The following ABCB5 variants were observed in gnomAD, a reference collection of about 807,000 sequenced individuals.
ABCB5 encodes ATP binding cassette subfamily B member 5, also known as ATP-binding cassette sub-family B member 5.
A neutral mutation model predicts 144.2 loss-of-function variants in ABCB5; 155 were observed. The observed-to-expected ratio is 1.08, with a 90% confidence interval of 0.94 to 1.23. The LOEUF is 1.23. ABCB5 is among the 50% of genes most tolerant of loss of function. ABCB5 has a pLI of 0.00. For missense variants in ABCB5, 1,830 were observed against 1,520.8 expected (o/e 1.20, Z -3.38); for synonymous variants, 610 against 528.6 (o/e 1.15, Z -2.11).
chr7:20,717,821 A>G (rs184106761), intron 20 of ABCB5, among the ~76,000 whole-genome samples: 2 of 139,200 alleles, frequency 1.4e-5, no homozygotes, highest in African/African-American at 5.4e-5. Context: ...TTATCCCTGT[A>G]TCTATAATTT....
At chr7:20,626,984 A>G (rs898527895) in intron 3 of ABCB5, among the ~76,000 whole-genome samples, 7 of 152,018 alleles carry the variant, frequency 4.6e-5, no homozygotes, top group Admixed American at 3.9e-4. Flanking sequence ...GTATATTCCA[A>G]TGATTCTGCA....
intron 13 of ABCB5, among the ~76,000 whole-genome samples, chr7:20,655,944 G>T (rs1025053002): frequency 6.6e-6 from 1 of 152,320 alleles, no homozygotes; most frequent in East Asian, 1.9e-4. Flanking sequence ...AATGATGGTT[G>T]TATAGATCAG....
chr7:20,667,769 C>T (rs892467817), intron 14 of ABCB5, among the ~76,000 whole-genome samples: 1 of 143,816 alleles, frequency 7.0e-6, no homozygotes, highest in Non-Finnish European at 1.5e-5. Flanking sequence ...CCTCTGATGC[C>T]GAGCCAAACC....
intron 2 of ABCB5, among the ~76,000 whole-genome samples, chr7:20,625,761 T>G (rs569370142): frequency 6.6e-6 from 1 of 152,274 alleles, no homozygotes; most frequent in East Asian, 1.9e-4. Context: ...AAATCAATAA[T>G]AGGTTTAACA....
intron 20 of ABCB5, among the ~76,000 whole-genome samples, chr7:20,709,329 A>AC (rs1336909941): frequency 5.3e-5 from 8 of 149,960 alleles, no homozygotes; most frequent in Non-Finnish European, 4.5e-5. Flanking sequence ...TGCTAAGACA[A>AC]GATATTTTGT....
chr7:20,647,697 G>C, intron 10 of ABCB5, 49 bp downstream of exon 10: 1 of 1,529,800 alleles, frequency 6.5e-7, no homozygotes, highest in Non-Finnish European at 8.8e-7. Flanking sequence ...CTGCAAGAAG[G>C]AGACAAAAAA....
intron 5 of ABCB5, among the ~76,000 whole-genome samples, chr7:20,634,862 T>A (rs1007900525): frequency 2.6e-5 from 4 of 152,042 alleles, no homozygotes; most frequent in African/African-American, 9.7e-5. Context: ...CAGGTTGTCT[T>A]TTCACTCTGT....
At chr7:20,680,619 T>C (rs1426805898) in intron 14 of ABCB5, among the ~76,000 whole-genome samples, 1 of 151,558 alleles carries the variant, frequency 6.6e-6, no homozygotes, top group Non-Finnish European at 1.5e-5. Context: ...GAGATGGACT[T>C]GTGGGTGCTG....
intron 14 of ABCB5, among the ~76,000 whole-genome samples, chr7:20,678,088 A>G (rs1785672774): frequency 6.6e-6 from 1 of 152,208 alleles, no homozygotes; most frequent in Non-Finnish European, 1.5e-5. Context: ...AATATAATCC[A>G]TAGATCCAAT....
rs753662823 is a variant in ABCB5 at position 20,755,888 on chromosome 7, T to C, written c.*264T>C. ...TCTAGCACATTTGCTTGTAAAGCAG[T>C]TTTCTACAAGGTGAATTTATTTCCC... On this transcript the variant is annotated 3_prime_UTR_variant, in exon 28 of 28. Coordinates refer to ENST00000404938, the MANE Select transcript of ABCB5 (RefSeq NM_001163941.2). The C allele has an allele frequency of 2.6e-6, 1 of 386,548 alleles. No homozygotes were observed. The highest frequency in any genetic ancestry group is 4.7e-6 in the Non-Finnish European group (1 of 212,608). 23.9% of individuals were successfully genotyped at this position (386,548 alleles called of 1,614,324 possible). A position where few individuals can be genotyped will look rare whatever the true frequency, so the allele number is the denominator to read the frequency against.
In ABCB5 at chr7:20,708,237, G is replaced by C. The variant is rs530452575; in HGVS notation, c.2421+3430G>C. ...AAGGTTGGCGTATAATTGCTGTTTT[G>C]TCTTGCAGTTTTAGGTTGAATTAAG... On this transcript the variant is annotated intron_variant, in intron 20 of 27. Transcript: ENST00000404938. Among the ~76,000 whole-genome samples, 10 of 152,260 alleles carry C rather than the reference G, an allele frequency of 6.6e-5. No homozygotes were observed. In the South Asian group the frequency reaches 2.1e-3, roughly 32 times the overall value.
At chr7:20,629,485 G>A (rs1473957442) in intron 4 of ABCB5, among the ~76,000 whole-genome samples, 4 of 152,164 alleles carry the variant, frequency 2.6e-5, no homozygotes, top group Non-Finnish European at 5.9e-5. Flanking sequence ...AATCAAGGCC[G>A]GGTGCAGTGG....
chr7:20,686,033 C>G (rs1354779992), intron 16 of ABCB5, among the ~76,000 whole-genome samples, 197 bp downstream of exon 16: 1 of 152,124 alleles, frequency 6.6e-6, no homozygotes, highest in Non-Finnish European at 1.5e-5. Flanking sequence ...GCATTTATAT[C>G]AGAGGCCCTT....
In ABCB5 at chr7:20,626,860, T is replaced by G. The variant is rs957137216; in HGVS notation, c.108+249T>G. On this transcript the variant is annotated intron_variant, in intron 3 of 27. Coordinates refer to ENST00000404938, the MANE Select transcript of ABCB5 (RefSeq NM_001163941.2). The stretch of plus-strand genomic sequence containing the variant: ...GTTTTAAAAGTGTTTTTGGGGTGTG[T>G]GTGTGTGTGTGTGTGTGTGTGTGTG... Among the ~76,000 whole-genome samples the G allele has an allele frequency of 7.9e-5, 9 of 113,842 alleles. No individual in the cohort carries two copies. In the East Asian group the frequency reaches 1.6e-3, roughly 20 times the overall value. The allele number at this position is 113,842 out of a possible 152,430, so 74.7% of individuals were successfully genotyped here. A position where few individuals can be genotyped will look rare whatever the true frequency, so the allele number is the denominator to read the frequency against.
At chr7:20,617,571 A>G (rs915322287) in intron 1 of ABCB5, among the ~76,000 whole-genome samples, 2 of 152,218 alleles carry the variant, frequency 1.3e-5, no homozygotes, top group African/African-American at 2.4e-5. Context: ...CTATATAGTC[A>G]TGTTTCTCAA....
At position 20,711,903 on chromosome 7, in the gene ABCB5, TCC is replaced by T. The variant is rs1396154376; in HGVS notation, c.2421+7097_2421+7098del. 2.6e-3 allele frequency among the ~76,000 whole-genome samples: 326 copies of T among 125,068 alleles called. 26 individuals are homozygous for T. The highest frequency in any genetic ancestry group is 0.026 in the Admixed American group (300 of 11,744). 82.0% of individuals were successfully genotyped at this position (125,068 alleles called of 152,430 possible). On this transcript the variant is annotated intron_variant, in intron 20 of 27. Transcript: ENST00000404938. ...CTCCCTCCCTCCCTCCTTCCTTCCT[TCC>T]TTCCTTTCTTTCTCTCTCTTTCTTT...
intron 20 of ABCB5, among the ~76,000 whole-genome samples, chr7:20,716,204 A>AAGCTTC (rs1436102644): frequency 1.3e-5 from 2 of 152,320 alleles, no homozygotes; most frequent in East Asian, 3.9e-4. Context: ...CAAAAAAGTA[A>AAGCTTC]AAATCATTGG....
chr7:20,629,928 T>C (rs1784000139), intron 4 of ABCB5, among the ~76,000 whole-genome samples: 1 of 152,180 alleles, frequency 6.6e-6, no homozygotes, highest in African/African-American at 2.4e-5. Context: ...CAGAAAATTA[T>C]ACAACTAGAG....
chr7:20,679,504 A>G (rs963255405), intron 14 of ABCB5, among the ~76,000 whole-genome samples: 2 of 149,358 alleles, frequency 1.3e-5, no homozygotes, highest in African/African-American at 4.9e-5. Flanking sequence ...AGAGAGAAAG[A>G]GAGTGAAAAG....
Sources: gnomAD v4.1 joint callset for allele counts (sites outside exome capture counted in the v4.1 genomes callset) on GRCh38, gnomAD v4.1.1 for gene constraint, MANE v1.5 for transcripts, NCBI Gene and HGNC (gene_info 2026-07-23, HGNC 2026-07-21) for gene names.